Variants in PHKA2 observed in about 807,000 individuals in gnomAD.
PHKA2 encodes the protein phosphorylase b kinase regulatory subunit alpha, liver isoform.
A neutral mutation model predicts 102.0 loss-of-function variants in PHKA2; 31 were observed. The observed-to-expected ratio is 0.30, with a 90% CI of 0.23 to 0.41. PHKA2 has a LOEUF of 0.41. Among genes scored for constraint, PHKA2 ranks in the 10% least tolerant of loss-of-function variants. The pLI is 1.00. For missense variants in PHKA2, 858 were observed against 1,023.1 expected (o/e 0.84, Z 2.20); for synonymous variants, 455 against 416.2 (o/e 1.09, Z -1.13).
chrX:18,904,475 T>C (rs1315053415), intron 26 of PHKA2, among the ~76,000 whole-genome samples: 1 of 112,779 alleles, frequency 8.9e-6, no homozygotes, highest in Non-Finnish European at 1.9e-5. Context: ...CAGTTCCTAG[T>C]TTCATAGCAT....
intron 10 of PHKA2, among the ~76,000 whole-genome samples, chrX:18,937,441 T>A (rs2048411687): frequency 9.0e-6 from 1 of 110,905 alleles, no homozygotes; most frequent in Non-Finnish European, 1.9e-5. Context: ...CTTTGACAGG[T>A]AAGGGGGAGA....
chrX:18,955,238 T>A (rs763553521), intron 1 of PHKA2, among the ~76,000 whole-genome samples: 1 of 112,392 alleles, frequency 8.9e-6, no homozygotes, highest in Non-Finnish European at 1.9e-5. Flanking sequence ...AGAAGCCAGA[T>A]GCCAAAGGCT....
intron 9 of PHKA2, 83 bp from the exon 10 acceptor site, chrX:18,938,832 C>T: frequency 2.2e-6 from 2 of 918,940 alleles, no homozygotes; most frequent in Non-Finnish European, 3.2e-6. Context: ...GTTTCCCATG[C>T]TTGACTGATT....
intron 32 of PHKA2, 93 bp downstream of exon 32, chrX:18,894,111 T>A (rs891975907): frequency 1.2e-6 from 1 of 836,287 alleles, no homozygotes; most frequent in Non-Finnish European, 1.8e-6. Context: ...GATGACATTT[T>A]CTTGGTTCGA....
At chrX:18,916,091 A>G (rs2073070229) in intron 19 of PHKA2, among the ~76,000 whole-genome samples, 2 of 112,129 alleles carry the variant, frequency 1.8e-5, no homozygotes, top group African/African-American at 6.5e-5. Context: ...ACACTTTCAA[A>G]GAGAAAAACA....
chrX:18,973,390 CTTCT>C (rs1174858410), intron 1 of PHKA2, among the ~76,000 whole-genome samples: 3 of 109,361 alleles, frequency 2.7e-5, no homozygotes, highest in East Asian at 2.8e-4. Context: ...CACTGTTTTT[CTTCT>C]TTATTAATGT....
intron 18 of PHKA2, among the ~76,000 whole-genome samples, chrX:18,919,728 C>CAAAAAAAAAAAAAAAAAA (rs56042937): frequency 3.6e-5 from 1 of 27,453 alleles, no homozygotes; most frequent in African/African-American, 1.1e-4. Flanking sequence ...CAAACAACAA[C>CAAAAAAAAAAAAAAAAAA]AAAAAAAAAA....
chrX:18,910,464 G>A (rs1378972772), intron 20 of PHKA2, among the ~76,000 whole-genome samples: 2 of 111,819 alleles, frequency 1.8e-5, no homozygotes, highest in African/African-American at 6.5e-5. Flanking sequence ...GGGTGACAGA[G>A]CGAGACTCTA....
intron 1 of PHKA2, among the ~76,000 whole-genome samples, chrX:18,970,816 T>C (rs2049008935): frequency 8.9e-6 from 1 of 112,066 alleles, no homozygotes; most frequent in African/African-American, 3.3e-5. Context: ...CTCTTCTTCC[T>C]AGGCACTTAG....
intron 1 of PHKA2, among the ~76,000 whole-genome samples, chrX:18,973,038 T>C (rs2049037037): frequency 1.8e-5 from 2 of 112,543 alleles, no homozygotes; most frequent in Admixed American, 1.9e-4. Flanking sequence ...AGTCTCATTC[T>C]GTCGCCCAGG....
At chrX:18,953,287 C>G (rs1266661388) in intron 2 of PHKA2, among the ~76,000 whole-genome samples, 2 of 111,704 alleles carry the variant, frequency 1.8e-5, no homozygotes, top group Non-Finnish European at 3.8e-5. Context: ...GATGGCAAAT[C>G]TTTGGTAGGT....
At chrX:18,964,357 C>A (rs774921454) in intron 1 of PHKA2, among the ~76,000 whole-genome samples, 17 of 112,202 alleles carry the variant, frequency 1.5e-4, no homozygotes, top group African/African-American at 5.5e-4. Flanking sequence ...GGACAGAGGT[C>A]AGAGGCCTCA....
Position 18,893,365 on chromosome X carries a change from G to GTGTT in PHKA2, c.*116_*119dup. ...TGAGTGCTACCATTGCCCCCCGAGA[G>GTGTT]TGTTTCTGATGGGACATGCTTTCCT... On this transcript the variant is annotated 3_prime_UTR_variant, in exon 33 of 33. Transcript: ENST00000379942. 1.4e-6 allele frequency: 1 copy of GTGTT among 710,563 alleles called. No homozygotes were observed. Among genetic ancestry groups the GTGTT allele is most frequent in the East Asian group, 3.2e-5 (1 of 31,376 alleles). 58.6% of individuals were successfully genotyped at this position (710,563 alleles called of 1,213,427 possible).
intron 26 of PHKA2, among the ~76,000 whole-genome samples, chrX:18,904,830 C>T (rs917328340): frequency 8.9e-6 from 1 of 111,977 alleles, no homozygotes; most frequent in African/African-American, 3.2e-5. Flanking sequence ...AATTCACCAA[C>T]GTGCCTGCAA....
chrX:18,976,707 GCTA>G lies in PHKA2; in HGVS notation c.78+7145_78+7147del, dbSNP rs1413924609. Reference sequence around the variant, plus strand: ...GAAAAAACACAGTTTATATATGGTTGCTACTATCTGTGGTTTCAGGCACCCACA... The same window carrying G: ...GAAAAAACACAGTTTATATATGGTTGCTATCTGTGGTTTCAGGCACCCACA... On this transcript the variant is annotated intron_variant, in intron 1 of 32. Transcript: ENST00000379942. Among the ~76,000 whole-genome samples the G allele has an allele frequency of 2.7e-5, 3 of 111,495 alleles. No individual in the cohort carries two copies. The Admixed American group carries it at 2.9e-4, about 11-fold the overall frequency.
At chrX:18,966,076 CTTTTGTTTTTT>C (rs756672530) in intron 1 of PHKA2, among the ~76,000 whole-genome samples, 16 of 95,608 alleles carry the variant, frequency 1.7e-4, no homozygotes, top group Non-Finnish European at 2.5e-4. Flanking sequence ...GGTGGTGGCT[CTTTTGTTTTTT>C]TTTTGTTTTT....
chrX:18,906,789 T>C lies in PHKA2; in HGVS notation c.2623A>G (p.Lys875Glu), dbSNP rs927162557. 2.5e-6 allele frequency: 3 copies of C among 1,209,153 alleles called. No individual in the cohort carries two copies. Among genetic ancestry groups the C allele is most frequent in the Admixed American group, 4.4e-5 (2 of 45,848 alleles). ...SAPLPPEELT[K>E]LIYEASGQDI... is the part of the protein sequence containing the mutation. ...TGCCCACTGGCCTCGTAGATGAGTT[T>C]TGTGAGCTCCTCTGGGGGAAGGGGC... is the stretch of plus-strand genomic sequence containing the variant. Residue 875 changes from lysine to glutamate, a missense_variant, in exon 24 of 33, where the codon AAA (lysine) becomes GAA (glutamate). Around this residue, in one of 2 missense-constraint regions of PHKA2, gnomAD observed 671 missense variants for 745.2 expected, o/e 0.90. Coordinates refer to ENST00000379942, the MANE Select transcript of PHKA2 (RefSeq NM_000292.3).
chrX:18,910,128 T>A, intron 20 of PHKA2, among the ~76,000 whole-genome samples: 2 of 112,315 alleles, frequency 1.8e-5, no homozygotes, highest in Admixed American at 1.9e-4. Context: ...AAAATTTTTT[T>A]ATGCCCATCT....
At chrX:18,898,991 G>A (rs2047625173) in intron 29 of PHKA2, among the ~76,000 whole-genome samples, 182 bp downstream of exon 29, 1 of 112,322 alleles carries the variant, frequency 8.9e-6, no homozygotes, top group African/African-American at 3.2e-5. Context: ...CAAAGCTCAG[G>A]GCAAGCACTT....
Sources: allele counts gnomAD v4.1 joint callset (sites outside exome capture counted in the v4.1 genomes callset), GRCh38; gene constraint gnomAD v4.1.1; regional missense constraint gnomAD v4.1.1; transcripts MANE v1.5; gene names NCBI Gene and HGNC (gene_info 2026-07-23, HGNC 2026-07-21).